Variants in RAB31 observed in about 807,000 individuals in gnomAD.
The protein encoded by RAB31 is ras-related protein Rab-31.
Under a neutral mutation model 25.6 loss-of-function variants are expected in RAB31, and 21 were observed. The ratio of observed to expected loss-of-function variants is 0.82; its 90% CI spans 0.58 to 1.18. The LOEUF (loss-of-function observed/expected upper bound fraction) is 1.18. Ranked by LOEUF, RAB31 falls within the 50% of genes most tolerant of loss-of-function variation. RAB31 has a pLI of 0.00. For synonymous variants in RAB31, 87 were observed against 84.0 expected, an observed-to-expected ratio of 1.04 and a Z score of -0.20; for missense variants, 196 against 250.1, an observed-to-expected ratio of 0.78 and a Z score of 1.46.
intron 1 of RAB31, among the ~76,000 whole-genome samples, chr18:9,712,786 A>T (rs983353561): frequency 3.9e-5 from 6 of 152,010 alleles, no homozygotes; most frequent in Non-Finnish European, 5.9e-5. Context: ...TCCCAAAGAG[A>T]TTTATATTTG....
At chr18:9,799,208 A>C (rs1284874775) in intron 3 of RAB31, among the ~76,000 whole-genome samples, 1 of 152,248 alleles carries the variant, frequency 6.6e-6, no homozygotes, top group Non-Finnish European at 1.5e-5. Context: ...TGAGCCACCA[A>C]GCCTGGCCAA....
intron 1 of RAB31, among the ~76,000 whole-genome samples, chr18:9,773,165 A>G (rs1400636485): frequency 6.6e-6 from 1 of 152,110 alleles, no homozygotes; most frequent in Non-Finnish European, 1.5e-5. Context: ...TCTGATGAGT[A>G]TTAAAAGCCA....
chr18:9,855,167 GT>G lies in RAB31; in HGVS notation c.491-4057del, dbSNP rs2068809310. ...GATAAAACTTACAGGCTAGGAATTT[GT>G]TTTCACATACTGTGTTCCTGTGGAA... On this transcript the variant is annotated intron_variant, in intron 6 of 6. Coordinates refer to ENST00000578921, the MANE Select transcript of RAB31 (RefSeq NM_006868.4). Among the ~76,000 whole-genome samples, 4 of 152,114 alleles carry G rather than the reference GT, an allele frequency of 2.6e-5. No individual in the cohort carries two copies. The East Asian group carries it at 5.8e-4, about 22-fold the overall frequency.
chr18:9,818,919 G>A (rs751951882), intron 5 of RAB31, among the ~76,000 whole-genome samples: 1 of 152,182 alleles, frequency 6.6e-6, no homozygotes, highest in Non-Finnish European at 1.5e-5. Flanking sequence ...TATTGGCCAT[G>A]TGTGTATCTT....
chr18:9,797,322 A>G (rs2068491516), intron 3 of RAB31: 1 of 152,184 alleles, frequency 6.6e-6, no homozygotes, highest in African/African-American at 2.4e-5. Flanking sequence ...TTTAATGAAC[A>G]CAATAAGTCA....
At chr18:9,789,739 T>C (rs1438802886) in intron 2 of RAB31, among the ~76,000 whole-genome samples, 1 of 152,194 alleles carries the variant, frequency 6.6e-6, no homozygotes, top group African/African-American at 2.4e-5. Context: ...ATTAACATTT[T>C]TGGAATATAT....
intron 3 of RAB31, among the ~76,000 whole-genome samples, chr18:9,810,506 A>G (rs10513880): frequency 0.046 from 7,025 of 152,260 alleles, 544 homozygotes; most frequent in African/African-American, 0.16. Context: ...TTTGGAACTG[A>G]GACGTGAACT....
At chr18:9,765,334 G>A (rs141000283) in intron 1 of RAB31, among the ~76,000 whole-genome samples, 75 of 152,328 alleles carry the variant, frequency 4.9e-4, no homozygotes, top group Non-Finnish European at 9.3e-4. Flanking sequence ...CAGGCCTGGA[G>A]TTGCATTTTC....
intron 6 of RAB31, chr18:9,856,230 G>A (rs980473095): frequency 1.3e-5 from 2 of 152,154 alleles, no homozygotes; most frequent in African/African-American, 4.8e-5. Context: ...ATGCAGGAGG[G>A]GAGTCTTCTT....
At chr18:9,739,150 C>T (rs918587203) in intron 1 of RAB31, among the ~76,000 whole-genome samples, 2 of 152,156 alleles carry the variant, frequency 1.3e-5, no homozygotes, top group Non-Finnish European at 2.9e-5. Flanking sequence ...ATAAATACAT[C>T]TCGTAAATTT....
chr18:9,796,525 AC>A (rs141486568), intron 3 of RAB31, among the ~76,000 whole-genome samples: 2,108 of 152,312 alleles, frequency 0.014, 46 homozygotes, highest in African/African-American at 0.048. Context: ...TGTTATTTGG[AC>A]CCAGTGTTTC....
At chr18:9,820,077 A>G (rs2068617459) in intron 5 of RAB31, among the ~76,000 whole-genome samples, 1 of 152,080 alleles carries the variant, frequency 6.6e-6, no homozygotes, top group Non-Finnish European at 1.5e-5. Flanking sequence ...TTCTCTGGCT[A>G]GAATCTCTAA....
At chr18:9,770,926 G>C (rs2068341648) in intron 1 of RAB31, among the ~76,000 whole-genome samples, 1 of 151,478 alleles carries the variant, frequency 6.6e-6, no homozygotes, top group African/African-American at 2.4e-5. Flanking sequence ...ACTTTGGGAG[G>C]CTGAGGCCGG....
rs77665749 is a variant in RAB31 at position 9,838,106 on chromosome 18, T to C, written c.381-7476T>C. 8.1e-3 allele frequency among the ~76,000 whole-genome samples: 1,228 copies of C among 152,326 alleles called. 19 individuals are homozygous for C. The highest frequency in any genetic ancestry group is 0.028 in the African/African-American group (1,172 of 41,564). ...GTGCCCGGCATTATTCTGAGCACTT[T>C]ATAATATCAACCTCCTTTTCCCTTA... is the stretch of plus-strand genomic sequence containing the variant. On this transcript the variant is annotated intron_variant, in intron 5 of 6. Transcript: ENST00000578921.
chr18:9,816,506 A>G (rs1468233579), intron 5 of RAB31, among the ~76,000 whole-genome samples: 4 of 152,212 alleles, frequency 2.6e-5, no homozygotes, highest in Admixed American at 6.5e-5. Flanking sequence ...TTTTCATAGC[A>G]TACCTGTTTG....
At chr18:9,748,980 G>T (rs1321394018) in intron 1 of RAB31, among the ~76,000 whole-genome samples, 1 of 152,018 alleles carries the variant, frequency 6.6e-6, no homozygotes, top group East Asian at 1.9e-4. Context: ...GAAAGTGAAG[G>T]CTTCTCTACT....
At chr18:9,854,653 G>A (rs1015948137) in intron 6 of RAB31, among the ~76,000 whole-genome samples, 11 of 152,072 alleles carry the variant, frequency 7.2e-5, no homozygotes, top group Admixed American at 1.3e-4. Flanking sequence ...GGGCCTTCTA[G>A]TAATCCTAAT....
At chr18:9,780,344 A>C (rs1319810392) in intron 2 of RAB31, among the ~76,000 whole-genome samples, 1 of 152,148 alleles carries the variant, frequency 6.6e-6, no homozygotes, top group Non-Finnish European at 1.5e-5. Flanking sequence ...AACATGTTGA[A>C]AGTATTTTTT....
intron 1 of RAB31, among the ~76,000 whole-genome samples, chr18:9,709,593 A>G (rs2068005887): frequency 6.6e-6 from 1 of 152,140 alleles, no homozygotes; most frequent in Admixed American, 6.5e-5. Flanking sequence ...GCAGGCTCCC[A>G]TCATCGGCTC....
Sources: allele counts gnomAD v4.1 joint callset (sites outside exome capture counted in the v4.1 genomes callset), GRCh38; gene constraint gnomAD v4.1.1; transcripts MANE v1.5; gene names NCBI Gene and HGNC (gene_info 2026-07-23, HGNC 2026-07-21).